Variants in TREH observed in about 807,000 individuals in gnomAD.
TREH encodes the protein trehalase.
A neutral mutation model predicts 80.5 loss-of-function variants in TREH; 69 were observed. The observed-to-expected ratio is 0.86, with a 90% CI of 0.71 to 1.05. The LOEUF is 1.05. Ranked by LOEUF, TREH falls within the 50% of genes least tolerant of loss-of-function variation. The pLI, the probability that TREH is intolerant of heterozygous loss-of-function variation, is 0.00. For missense variants in TREH, 716 were observed against 718.8 expected, an observed-to-expected ratio of 1.00 and a Z score of 0.04; for synonymous variants, 309 against 293.5, an observed-to-expected ratio of 1.05 and a Z score of -0.54.
Position 118,659,489 on chromosome 11 carries a change from G to A in TREH, c.1321-8C>T. 1 of 1,568,034 alleles carries A rather than the reference G, an allele frequency of 6.4e-7. No homozygotes were observed. Among genetic ancestry groups the A allele is most frequent in the African/African-American group, 1.4e-5 (1 of 73,940 alleles). On this transcript the variant is annotated splice_region_variant and splice_polypyrimidine_tract_variant and intron_variant, in intron 11 of 14. Coordinates refer to ENST00000264029, the MANE Select transcript of TREH (RefSeq NM_007180.3). ...AGTCAGGATCCGGTTGTCCTAGAAG[G>A]TCCCAGACATTCCCATGACTGTGGG...
At chr11:118,663,694 A>G (rs1483973937) in intron 1 of TREH, among the ~76,000 whole-genome samples, 1 of 152,108 alleles carries the variant, frequency 6.6e-6, no homozygotes, top group Non-Finnish European at 1.5e-5. Flanking sequence ...TGCTAATTTG[A>G]GATGGTGTAG....
intron 1 of TREH, among the ~76,000 whole-genome samples, chr11:118,669,983 C>T (rs187865064): frequency 1.3e-5 from 2 of 151,830 alleles, no homozygotes; most frequent in South Asian, 2.1e-4. Flanking sequence ...ATATATATAC[C>T]TACTATGTAC....
chr11:118,673,136 T>C (rs1180641231), intron 1 of TREH, among the ~76,000 whole-genome samples: 1 of 152,232 alleles, frequency 6.6e-6, no homozygotes, highest in Admixed American at 6.5e-5. Flanking sequence ...AGATAGCACA[T>C]GCTTCAACTG....
At chr11:118,664,421 T>C (rs1475602510) in intron 1 of TREH, among the ~76,000 whole-genome samples, 2 of 152,242 alleles carry the variant, frequency 1.3e-5, no homozygotes, top group African/African-American at 2.4e-5. Context: ...CAGTAGCCAA[T>C]GGCCTGGCAG....
intron 12 of TREH, 22 bp downstream of exon 12, chr11:118,659,348 T>C (rs1949277724): frequency 6.6e-7 from 1 of 1,521,876 alleles, no homozygotes; most frequent in Non-Finnish European, 8.8e-7. Flanking sequence ...GGTCCTTGGC[T>C]GTGTCAGCCC....
Position 118,657,783 on chromosome 11 carries a change from T to TCTC in TREH, c.*505_*506insGAG. 5 of 159,792 alleles carry TCTC rather than the reference T, an allele frequency of 3.1e-5. No individual in the cohort carries two copies. Among genetic ancestry groups the TCTC allele is most frequent in the South Asian group, 3.6e-4 (2 of 5,504 alleles). The allele number at this position is 159,792 out of a possible 1,614,324, so 9.9% of individuals were successfully genotyped here. A position where few individuals can be genotyped will look rare whatever the true frequency, so the allele number is the denominator to read the frequency against. On this transcript the variant is annotated 3_prime_UTR_variant, in exon 15 of 15. Coordinates refer to ENST00000264029, the MANE Select transcript of TREH (RefSeq NM_007180.3). ...CTAGAGAGAAAGCCTGAGCAGGAGA[T>TCTC]GATGCAGCAGAGGGGAAGGGCCCTG...
intron 1 of TREH, among the ~76,000 whole-genome samples, chr11:118,668,704 C>T (rs1447851680): frequency 2.0e-5 from 3 of 151,710 alleles, no homozygotes; most frequent in Non-Finnish European, 4.4e-5. Context: ...CTTTGGGAGG[C>T]CAAGGCAGGC....
At chr11:118,658,790 C>T in intron 13 of TREH, 57 bp from the exon 14 acceptor site, 1 of 1,611,990 alleles carries the variant, frequency 6.2e-7, no homozygotes, top group South Asian at 1.1e-5. Flanking sequence ...CCAGGAACAA[C>T]AAACAACCAG....
At position 118,663,160 on chromosome 11, in the gene TREH, T is replaced by G; in HGVS notation, c.227A>C (p.Asp76Ala). 6.2e-7 allele frequency: 1 copy of G among 1,613,460 alleles called. No individual in the cohort carries two copies. The highest frequency in any genetic ancestry group is 1.6e-4 in the Middle Eastern group (1 of 6,062). The change falls in exon 3 of 15, where the codon GAC becomes GCC. Residue 76 changes from aspartate to alanine, a missense_variant. Coordinates refer to ENST00000264029, the MANE Select transcript of TREH (RefSeq NM_007180.3). ...VLQTFTELSRDHNHSIPREQL... is the reference protein window; with the variant it reads ...VLQTFTELSRAHNHSIPREQL... The stretch of plus-strand genomic sequence containing the variant: ...CTCCCTGGGGATGCTGTGATTGTGG[T>G]CCCTGGACAGCTCAGTGAAGGTCTG...
intron 12 of TREH, 150 bp downstream of exon 12, chr11:118,659,220 A>T (rs544522524): frequency 1.2e-6 from 1 of 823,818 alleles, no homozygotes; most frequent in East Asian, 2.7e-5. Flanking sequence ...CTGGGTGGAC[A>T]TAAGTGTCAA....
At chr11:118,676,223 A>G (rs1555146805) in intron 1 of TREH, among the ~76,000 whole-genome samples, 2 of 152,222 alleles carry the variant, frequency 1.3e-5, no homozygotes, top group Non-Finnish European at 2.9e-5. Context: ...TCGTCTTGTT[A>G]GCAGAAGCTG....
At chr11:118,677,970 T>C (rs1293728486) in intron 1 of TREH, among the ~76,000 whole-genome samples, 2 of 152,172 alleles carry the variant, frequency 1.3e-5, no homozygotes, top group Non-Finnish European at 2.9e-5. Flanking sequence ...ACAATTGTCA[T>C]GGGCAAGCAC....
At chr11:118,672,429 G>A (rs1447924009) in intron 1 of TREH, among the ~76,000 whole-genome samples, 5 of 151,120 alleles carry the variant, frequency 3.3e-5, no homozygotes, top group Non-Finnish European at 4.4e-5. Context: ...GTTAATGATC[G>A]CTGGGCTCAG....
At chr11:118,664,740 G>T (rs1377230601) in intron 1 of TREH, among the ~76,000 whole-genome samples, 1 of 152,288 alleles carries the variant, frequency 6.6e-6, no homozygotes, top group East Asian at 1.9e-4. Flanking sequence ...AATTGGAAAA[G>T]AGAGTCGAAA....
chr11:118,659,111 C>T lies in TREH; in HGVS notation c.1433-94G>A, dbSNP rs1949271222. ...TACTCTCCCCAAGGAGGGAAAGAGG[C>T]CTGGGCCCTAAGACTTCCTTCCTGA... is the stretch of plus-strand genomic sequence containing the variant. On this transcript the variant is annotated intron_variant, in intron 12 of 14. Transcript: ENST00000264029. 3.0e-6 allele frequency: 4 copies of T among 1,335,672 alleles called. No homozygotes were observed. In the Admixed American group the frequency reaches 7.8e-5, roughly 26 times the overall value. The allele number at this position is 1,335,672 out of a possible 1,614,324, so 82.7% of individuals were successfully genotyped here.
At chr11:118,678,394 G>C (rs184983435) in intron 1 of TREH, among the ~76,000 whole-genome samples, 1 of 152,100 alleles carries the variant, frequency 6.6e-6, no homozygotes, top group African/African-American at 2.4e-5. Context: ...ATAGAGTTTT[G>C]CTCTTGTTGC....
intron 4 of TREH, chr11:118,662,664 G>A (rs1555145197): frequency 5.3e-6 from 3 of 568,668 alleles, no homozygotes; most frequent in East Asian, 3.1e-5. Context: ...GGAGGCTAGG[G>A]AGCCTTCCTG....
At chr11:118,660,067 A>C in intron 10 of TREH, 103 bp from the exon 11 acceptor site, 1 of 1,105,398 alleles carries the variant, frequency 9.0e-7, no homozygotes, top group Non-Finnish European at 1.3e-6. Context: ...GTTTCTCTGC[A>C]AAGGCTGAGA....
chr11:118,661,634 C>T lies in TREH; in HGVS notation c.617+3G>A, dbSNP rs1565525821. On this transcript the variant is annotated splice_donor_region_variant and intron_variant, in intron 6 of 14. Transcript: ENST00000264029. The surrounding 1 kb of genome is among the most constrained non-coding windows in gnomAD (Gnocchi z 4.2). ...TAGGCTGGAGGTGCCTGGCCCCCCT[C>T]ACGTTTTCACCAGGTCCAAGAAGTT... 6.2e-7 allele frequency: 1 copy of T among 1,613,816 alleles called. No individual in the cohort carries two copies. The highest frequency in any genetic ancestry group is 8.5e-7 in the Non-Finnish European group (1 of 1,179,882).
Sources: allele counts gnomAD v4.1 joint callset (sites outside exome capture counted in the v4.1 genomes callset), GRCh38; gene constraint gnomAD v4.1.1; non-coding constraint Gnocchi (gnomAD v3.1); transcripts MANE v1.5; gene names NCBI Gene and HGNC (gene_info 2026-07-23, HGNC 2026-07-21).